The following RORA variants were observed in gnomAD, a reference collection of about 807,000 sequenced individuals.
The protein encoded by RORA is RAR related orphan receptor A, also known as nuclear receptor ROR-alpha.
In RORA, 7 loss-of-function variants were observed where a neutral mutation model predicts 69.5. The ratio of observed to expected loss-of-function variants is 0.10; its 90% CI spans 0.06 to 0.19. The LOEUF (loss-of-function observed/expected upper bound fraction) is 0.19, where lower values mean the gene tolerates loss of function less well. RORA is among the 10% of genes least tolerant of loss of function. RORA has a pLI of 1.00. For synonymous variants in RORA, 261 were observed against 240.8 expected (o/e 1.08, Z -0.78); for missense variants, 457 against 663.0 (o/e 0.69, Z 3.41).
chr15:60,699,284 A>G (rs1178913104), intron 1 of RORA, among the ~76,000 whole-genome samples: 3 of 152,118 alleles, frequency 2.0e-5, no homozygotes, highest in Non-Finnish European at 4.4e-5. Flanking sequence ...AAATATTTTT[A>G]TGATTTTACT....
intron 1 of RORA, among the ~76,000 whole-genome samples, chr15:60,696,013 G>C (rs1299485432): frequency 1.3e-5 from 2 of 152,130 alleles, no homozygotes; most frequent in East Asian, 3.9e-4. Flanking sequence ...CTTATAAGCT[G>C]ACAGAAGTCT....
intron 1 of RORA, among the ~76,000 whole-genome samples, chr15:61,120,194 T>G (rs1046244278): frequency 1.3e-5 from 2 of 152,108 alleles, no homozygotes; most frequent in Non-Finnish European, 2.9e-5. Flanking sequence ...CAGATGTATT[T>G]CTATGTAAAA....
intron 1 of RORA, among the ~76,000 whole-genome samples, chr15:61,076,360 G>A (rs2078449310): frequency 6.6e-6 from 1 of 150,776 alleles, no homozygotes; most frequent in Non-Finnish European, 1.5e-5. Flanking sequence ...ACAGAGCAGA[G>A]ATACTTATTG....
At chr15:60,718,446 G>T (rs1454706127) in intron 1 of RORA, among the ~76,000 whole-genome samples, 3 of 152,048 alleles carry the variant, frequency 2.0e-5, no homozygotes, top group African/African-American at 7.2e-5. Flanking sequence ...TCCGGTAAAT[G>T]AAAAAACGTT....
In RORA at chr15:60,685,438, G is replaced by GA. The variant is rs1057280262; in HGVS notation, c.167-6753dup. On this transcript the variant is annotated intron_variant, in intron 1 of 10. Coordinates refer to ENST00000335670, the MANE Select transcript of RORA (RefSeq NM_134261.3). ...GAATAGCTAATAATTGTTTTCTAAA[G>GA]AAAAAATATCACTTTGTGCTGGCCT... 4.6e-5 allele frequency among the ~76,000 whole-genome samples: 7 copies of GA among 152,256 alleles called. No individual in the cohort carries two copies. The South Asian group carries it at 1.5e-3, about 32-fold the overall frequency.
intron 2 of RORA, among the ~76,000 whole-genome samples, chr15:60,575,474 G>C (rs1345831844): frequency 6.6e-6 from 1 of 152,136 alleles, no homozygotes; most frequent in African/African-American, 2.4e-5. Flanking sequence ...TTTAGTAAAT[G>C]ACAGAGTGGA....
chr15:61,043,429 G>A (rs1453643925), intron 1 of RORA, among the ~76,000 whole-genome samples: 1 of 152,188 alleles, frequency 6.6e-6, no homozygotes, highest in Admixed American at 6.5e-5. Flanking sequence ...AATGAAATGA[G>A]AGAAGGTTAA....
At chr15:60,621,422 G>T (rs562758607) in intron 2 of RORA, among the ~76,000 whole-genome samples, 1 of 152,222 alleles carries the variant, frequency 6.6e-6, no homozygotes, top group African/African-American at 2.4e-5. Context: ...TATAACCGGG[G>T]CACACACAGA....
intron 10 of RORA, among the ~76,000 whole-genome samples, chr15:60,497,870 G>T (rs2065209310): frequency 6.6e-6 from 1 of 151,828 alleles, no homozygotes; most frequent in African/African-American, 2.4e-5. Flanking sequence ...ACCAGCCTGG[G>T]AAACACGGTG....
intron 2 of RORA, among the ~76,000 whole-genome samples, chr15:60,607,612 T>G (rs2068979998): frequency 6.6e-6 from 1 of 152,228 alleles, no homozygotes; most frequent in African/African-American, 2.4e-5. Context: ...GCATTTTATT[T>G]AACTCTAATA....
At chr15:60,795,635 T>C (rs2072485409) in intron 1 of RORA, among the ~76,000 whole-genome samples, 1 of 152,190 alleles carries the variant, frequency 6.6e-6, no homozygotes, top group Non-Finnish European at 1.5e-5. Flanking sequence ...TCAAACAGCT[T>C]CCTGCCCTCC....
At chr15:60,772,306 C>T (rs905596771) in intron 1 of RORA, among the ~76,000 whole-genome samples, 2 of 151,914 alleles carry the variant, frequency 1.3e-5, no homozygotes, top group Admixed American at 1.3e-4. Flanking sequence ...TAAAATGACA[C>T]AATTGGAGAC....
chr15:60,713,206 T>C (rs2071167464), intron 1 of RORA, among the ~76,000 whole-genome samples: 1 of 152,188 alleles, frequency 6.6e-6, no homozygotes, highest in African/African-American at 2.4e-5. Context: ...AGCCCAGGAA[T>C]GTTCCCCCTT....
chr15:60,785,671 C>T (rs544950661), intron 1 of RORA, among the ~76,000 whole-genome samples: 1 of 152,318 alleles, frequency 6.6e-6, no homozygotes, highest in East Asian at 1.9e-4. Flanking sequence ...CACCCAGTTC[C>T]TCAAATACAT....
chr15:61,159,217 T>C (rs1005481409), intron 1 of RORA, among the ~76,000 whole-genome samples: 2 of 152,290 alleles, frequency 1.3e-5, no homozygotes, highest in African/African-American at 2.4e-5. Flanking sequence ...GTCCCATTTA[T>C]CAGCCTTTTT....
At chr15:61,197,993 G>A (rs972348662) in intron 1 of RORA, among the ~76,000 whole-genome samples, 1 of 152,046 alleles carries the variant, frequency 6.6e-6, no homozygotes, top group Non-Finnish European at 1.5e-5. Flanking sequence ...GAGTAGACTC[G>A]AAGAGATGCT....
At chr15:60,673,642 G>T (rs919367953) in intron 2 of RORA, among the ~76,000 whole-genome samples, 2 of 152,138 alleles carry the variant, frequency 1.3e-5, no homozygotes, top group African/African-American at 4.8e-5. Flanking sequence ...CATACTTCCA[G>T]CTTAGTTTGT....
At chr15:60,946,902 C>T (rs77377249) in intron 1 of RORA, among the ~76,000 whole-genome samples, 1 of 150,570 alleles carries the variant, frequency 6.6e-6, no homozygotes, top group Non-Finnish European at 1.5e-5. Flanking sequence ...ATGTGAGGAG[C>T]GCCTCTGCCC....
At chr15:61,157,281 T>C (rs1172398062) in intron 1 of RORA, among the ~76,000 whole-genome samples, 1 of 152,190 alleles carries the variant, frequency 6.6e-6, no homozygotes, top group Admixed American at 6.5e-5. Context: ...ATCATGAATA[T>C]TGAAAGGAAC....
Sources: gnomAD v4.1 joint callset for allele counts (sites outside exome capture counted in the v4.1 genomes callset) on GRCh38, gnomAD v4.1.1 for gene constraint, MANE v1.5 for transcripts, NCBI Gene and HGNC (gene_info 2026-07-23, HGNC 2026-07-21) for gene names.